Variants in DCHS2 observed in about 807,000 individuals in gnomAD.
The protein encoded by DCHS2 is dachsous cadherin-related 2.
A neutral mutation model predicts 182.4 loss-of-function variants in DCHS2; 142 were observed. The ratio of observed to expected loss-of-function variants is 0.78; its 90% CI spans 0.68 to 0.89. DCHS2 has a LOEUF of 0.89. DCHS2 is among the 40% of genes least tolerant of loss of function. The probability of loss-of-function intolerance (pLI) is 0.00; values close to 1 mark genes in which losing one functional copy is unlikely to be tolerated. For synonymous variants in DCHS2, 1,740 were observed against 1,663.3 expected, an observed-to-expected ratio of 1.05 and a Z score of -1.12; for missense variants, 4,319 against 4,198.6, an observed-to-expected ratio of 1.03 and a Z score of -0.79.
Position 154,231,868 on chromosome 4 carries a change from C to G in DCHS2, c.*2668G>C, listed in dbSNP as rs1553994731. On this transcript the variant is annotated 3_prime_UTR_variant, in exon 20 of 20. Transcript: ENST00000357232. ...TTTTAAAAGAGTTAAATGATCAAAT[C>G]CCTAAAGATACAGCATTTTTCTTTT... The G allele has an allele frequency of 6.6e-6, 1 of 152,038 alleles. No individual in the cohort carries two copies. Among genetic ancestry groups the G allele is most frequent in the Non-Finnish European group, 1.5e-5 (1 of 67,978 alleles). The allele number at this position is 152,038 out of a possible 1,614,324, so 9.4% of individuals were successfully genotyped here. A position where few individuals can be genotyped will look rare whatever the true frequency, so the allele number is the denominator to read the frequency against.
intron 13 of DCHS2, among the ~76,000 whole-genome samples, chr4:154,296,843 T>C (rs998826916): frequency 6.6e-6 from 1 of 152,168 alleles, no homozygotes; most frequent in Non-Finnish European, 1.5e-5. Flanking sequence ...AGGCATCTAT[T>C]TTTCATTTGA....
At chr4:154,397,979 G>T (rs1454088613) in intron 1 of DCHS2, among the ~76,000 whole-genome samples, 2 of 152,142 alleles carry the variant, frequency 1.3e-5, no homozygotes, top group African/African-American at 4.8e-5. Context: ...GAGTTTGAAG[G>T]CATAAAAAGA....
At chr4:154,252,820 T>C (rs1732446590) in intron 16 of DCHS2, among the ~76,000 whole-genome samples, 1 of 152,198 alleles carries the variant, frequency 6.6e-6, no homozygotes, top group Non-Finnish European at 1.5e-5. Flanking sequence ...TTAGTGGGTA[T>C]ACATCTAGGA....
intron 10 of DCHS2, among the ~76,000 whole-genome samples, chr4:154,306,198 A>G (rs1735434167): frequency 6.6e-6 from 1 of 152,178 alleles, no homozygotes; most frequent in Non-Finnish European, 1.5e-5. Context: ...ATGAAAATAC[A>G]TATCATATTA....
At position 154,491,552 on chromosome 4, in the gene DCHS2, A is replaced by G; in HGVS notation, c.-197T>C. 3 of 1,384,644 alleles carry G rather than the reference A, an allele frequency of 2.2e-6. No homozygotes were observed. Among genetic ancestry groups the G allele is most frequent in the Non-Finnish European group, 2.8e-6 (3 of 1,076,012 alleles). The allele number at this position is 1,384,644 out of a possible 1,614,324, so 85.8% of individuals were successfully genotyped here. On this transcript the variant is annotated 5_prime_UTR_variant, in exon 1 of 20. Transcript: ENST00000357232. ...TCCTCTGCCTGCAGCTCACGCAGACAGGGAAGTAAGCTCTAGCTGCCTCTG... is the reference window on the plus strand; with the variant it reads ...TCCTCTGCCTGCAGCTCACGCAGACGGGGAAGTAAGCTCTAGCTGCCTCTG...
chr4:154,236,161 T>C lies in DCHS2; in HGVS notation c.8491A>G (p.Thr2831Ala), dbSNP rs1179533746. The change falls in exon 20 of 20, where the codon ACA (threonine) becomes GCA (alanine). Residue 2831 changes from threonine (T) to alanine (A), a missense_variant. Transcript: ENST00000357232. ...ATTTGCTTAGCATGAATATCCCCTG[T>C]CAAAGGGTCAATGAGGAAGAGATCA... is the stretch of plus-strand genomic sequence containing the variant. ...DHDLFLIDPL[T>A]GDIHAKQILD... 6.8e-6 allele frequency: 11 copies of C among 1,613,680 alleles called. No homozygotes were observed. The Admixed American group carries it at 1.7e-4, about 24-fold the overall frequency.
chr4:154,243,244 C>G (rs1191199806), intron 16 of DCHS2, among the ~76,000 whole-genome samples: 4 of 152,050 alleles, frequency 2.6e-5, no homozygotes, highest in African/African-American at 7.2e-5. Flanking sequence ...ATCCAAATAG[C>G]AAATCAATCG....
At chr4:154,337,349 A>G in intron 3 of DCHS2, among the ~76,000 whole-genome samples, 1 of 152,198 alleles carries the variant, frequency 6.6e-6, no homozygotes, top group East Asian at 1.9e-4. Flanking sequence ...GATTATGACA[A>G]TGAAAAACTT....
chr4:154,335,902 C>T (rs993188508), intron 3 of DCHS2, among the ~76,000 whole-genome samples: 10 of 152,042 alleles, frequency 6.6e-5, no homozygotes, highest in African/African-American at 2.4e-4. Flanking sequence ...ATCACCAGCC[C>T]GAGATGACAG....
At chr4:154,448,509 C>T (rs1734397792) in intron 1 of DCHS2, among the ~76,000 whole-genome samples, 1 of 152,100 alleles carries the variant, frequency 6.6e-6, no homozygotes, top group Non-Finnish European at 1.5e-5. Flanking sequence ...TCCATCACTC[C>T]TGCCACCACC....
At chr4:154,461,643 A>G (rs1297430405) in intron 1 of DCHS2, among the ~76,000 whole-genome samples, 3 of 152,230 alleles carry the variant, frequency 2.0e-5, no homozygotes, top group Non-Finnish European at 4.4e-5. Context: ...ACATATTTTT[A>G]TAAACTAAAA....
At chr4:154,320,293 TAAA>T in intron 9 of DCHS2, 83 bp downstream of exon 9, 1 of 1,520,804 alleles carries the variant, frequency 6.6e-7, no homozygotes, top group African/African-American at 1.4e-5. Flanking sequence ...ATTGTACACT[TAAA>T]ACTTTGTTAG....
chr4:154,460,154 CAA>C (rs905583143), intron 1 of DCHS2, among the ~76,000 whole-genome samples: 5 of 152,114 alleles, frequency 3.3e-5, no homozygotes, highest in African/African-American at 1.2e-4. Context: ...GTTCAACTGA[CAA>C]AAGTCTCCAA....
intron 1 of DCHS2, among the ~76,000 whole-genome samples, chr4:154,382,031 A>G (rs1731192188): frequency 6.6e-6 from 1 of 152,196 alleles, no homozygotes; most frequent in South Asian, 2.1e-4. Flanking sequence ...CCAACTTCAA[A>G]TTATACTATA....
chr4:154,418,273 G>A (rs1349227276), intron 1 of DCHS2, among the ~76,000 whole-genome samples: 4 of 152,164 alleles, frequency 2.6e-5, no homozygotes, highest in Non-Finnish European at 2.9e-5. Flanking sequence ...ACCCATGAAT[G>A]TGCCCAGAGT....
chr4:154,239,386 T>C, intron 18 of DCHS2, 84 bp from the exon 19 acceptor site: 1 of 1,567,442 alleles, frequency 6.4e-7, no homozygotes, highest in Non-Finnish European at 8.6e-7. Context: ...TGAGGTCATT[T>C]TATTCATTTT....
At chr4:154,429,274 A>G (rs972145783) in intron 1 of DCHS2, among the ~76,000 whole-genome samples, 1 of 152,134 alleles carries the variant, frequency 6.6e-6, no homozygotes, top group African/African-American at 2.4e-5. Flanking sequence ...GAGAGCCGAA[A>G]TGACTGTTCA....
rs770650233 is a variant in DCHS2 at position 154,304,682 on chromosome 4, T to C, written c.5592A>G (p.Glu1864=). 2.2e-5 allele frequency: 35 copies of C among 1,609,084 alleles called. No homozygotes were observed. The highest frequency in any genetic ancestry group is 3.0e-5 in the Non-Finnish European group (35 of 1,177,676). The change falls in exon 12 of 20, where the codon GAA becomes GAG. Residue 1864 remains glutamate (E), a synonymous_variant. Transcript: ENST00000357232. ...DMDAGNNRAV[E]YHIIDGNTDE... is the part of the protein sequence containing the mutation. ...AAACAAACTTACCAATTATGTGATATTCAACAGCTCTGTTATTGCCAGCAT... is the reference window on the plus strand; with the variant it reads ...AAACAAACTTACCAATTATGTGATACTCAACAGCTCTGTTATTGCCAGCAT...
chr4:154,235,524 G>C lies in DCHS2; in HGVS notation c.9128C>G (p.Thr3043Ser). 1 of 1,614,010 alleles carries C rather than the reference G, an allele frequency of 6.2e-7. No homozygotes were observed. The highest frequency in any genetic ancestry group is 8.5e-7 in the Non-Finnish European group (1 of 1,179,948). ...TSSLDADLRV[T>S]RDASVLKAFQ... Reference sequence around the variant, plus strand: ...GGCTTTGAGCACACTGGCATCCCGGGTCACTCTCAAGTCCGCATCTAAAGA... The same window carrying C: ...GGCTTTGAGCACACTGGCATCCCGGCTCACTCTCAAGTCCGCATCTAAAGA... The change falls in exon 20 of 20, where the codon ACC becomes AGC. Residue 3043 changes from threonine (T) to serine (S), a missense_variant. Physicochemically the swap from Thr to Ser is moderately conservative, Grantham distance 58. Coordinates refer to ENST00000357232, the MANE Select transcript of DCHS2 (RefSeq NM_001358235.2).
Sources: allele counts gnomAD v4.1 joint callset (sites outside exome capture counted in the v4.1 genomes callset), GRCh38; gene constraint gnomAD v4.1.1; transcripts MANE v1.5; gene names NCBI Gene and HGNC (gene_info 2026-07-23, HGNC 2026-07-21).